Variants in RBFOX1 observed in about 807,000 individuals in gnomAD.
The protein encoded by RBFOX1 is RNA binding protein fox-1 homolog 1.
A neutral mutation model predicts 57.7 loss-of-function variants in RBFOX1; 8 were observed. The observed-to-expected ratio is 0.14, with a 90% CI of 0.08 to 0.25. RBFOX1 has a LOEUF of 0.25. Among genes scored for constraint, RBFOX1 ranks in the 10% least tolerant of loss-of-function variants. The pLI, the probability that RBFOX1 is intolerant of heterozygous loss-of-function variation, is 1.00. For synonymous variants in RBFOX1, 326 were observed against 222.4 expected, an observed-to-expected ratio of 1.47 and a Z score of -4.15; for missense variants, 611 against 548.5, an observed-to-expected ratio of 1.11 and a Z score of -1.14.
At chr16:5,253,136 C>T (rs2151082472) in intron 1 of RBFOX1, among the ~76,000 whole-genome samples, 1 of 152,126 alleles carries the variant, frequency 6.6e-6, no homozygotes, top group East Asian at 1.9e-4. Context: ...AATGCTGTGT[C>T]ATTCTTTTTT....
intron 3 of RBFOX1, among the ~76,000 whole-genome samples, chr16:5,758,618 C>G (rs2053480728): frequency 6.6e-6 from 1 of 152,098 alleles, no homozygotes; most frequent in African/African-American, 2.4e-5. Flanking sequence ...TGGAAAGGTA[C>G]AAAATTAAGA....
intron 5 of RBFOX1, among the ~76,000 whole-genome samples, chr16:7,577,552 A>G (rs898524133): frequency 1.3e-5 from 2 of 152,238 alleles, no homozygotes; most frequent in Non-Finnish European, 2.9e-5. Flanking sequence ...CAGCAGTGTC[A>G]TATGACCTTG....
intron 2 of RBFOX1, among the ~76,000 whole-genome samples, chr16:6,479,739 C>A (rs2095341417): frequency 6.6e-6 from 1 of 151,898 alleles, no homozygotes; most frequent in African/African-American, 2.4e-5. Flanking sequence ...TGGCCTCTTA[C>A]AGAAAAAAGT....
At chr16:5,611,707 C>G (rs2047798550) in intron 3 of RBFOX1, among the ~76,000 whole-genome samples, 1 of 144,472 alleles carries the variant, frequency 6.9e-6, no homozygotes, top group African/African-American at 2.7e-5. Context: ...CCCACTCTCC[C>G]ATCCATCCAT....
intron 2 of RBFOX1, among the ~76,000 whole-genome samples, chr16:6,602,729 A>AC (rs1555602976): frequency 1.3e-5 from 2 of 151,574 alleles, no homozygotes; most frequent in Non-Finnish European, 2.9e-5. Context: ...TGGAAGTGCA[A>AC]TTTTTTTTCC....
intron 3 of RBFOX1, among the ~76,000 whole-genome samples, chr16:6,812,410 G>C (rs2088913009): frequency 1.3e-5 from 2 of 152,086 alleles, no homozygotes; most frequent in Admixed American, 1.3e-4. Context: ...TCTGGGTCTT[G>C]TCACCCAGGC....
chr16:5,846,273 A>T (rs1597469552), intron 3 of RBFOX1, among the ~76,000 whole-genome samples: 1 of 152,028 alleles, frequency 6.6e-6, no homozygotes, highest in Non-Finnish European at 1.5e-5. Context: ...AGCATCTTTG[A>T]TGAAAGAAGA....
chr16:6,441,448 C>G (rs1202051260), intron 2 of RBFOX1, among the ~76,000 whole-genome samples: 1 of 151,606 alleles, frequency 6.6e-6, no homozygotes, highest in Non-Finnish European at 1.5e-5. Context: ...CGGAGTTTTG[C>G]TCTTGTTGCC....
chr16:6,896,584 T>G (rs1454956354), intron 3 of RBFOX1, among the ~76,000 whole-genome samples: 1 of 152,194 alleles, frequency 6.6e-6, no homozygotes, highest in Admixed American at 6.5e-5. Flanking sequence ...TCTTTGTCAT[T>G]GCAAATGAGA....
At chr16:6,618,510 C>T (rs1464011006) in intron 2 of RBFOX1, among the ~76,000 whole-genome samples, 1 of 152,114 alleles carries the variant, frequency 6.6e-6, no homozygotes, top group Non-Finnish European at 1.5e-5. Context: ...TACCACTAGG[C>T]GTTTAATGTG....
Position 7,483,979 on chromosome 16 carries a change from C to T in RBFOX1, c.28-34168C>T, listed in dbSNP as rs540026774. On this transcript the variant is annotated intron_variant, in intron 4 of 15. Transcript: ENST00000550418. ...AGTTCCTTGACCTTAAGTTTCCTTA[C>T]GCTTTATTTTCAGTCTATTCTGCCC... Among the ~76,000 whole-genome samples, 6 of 152,178 alleles carry T rather than the reference C, an allele frequency of 3.9e-5. No individual in the cohort carries two copies. The East Asian group carries it at 9.6e-4, about 24-fold the overall frequency.
intron 1 of RBFOX1, among the ~76,000 whole-genome samples, chr16:6,289,772 T>A (rs1220537448): frequency 6.6e-6 from 1 of 152,130 alleles, no homozygotes. Flanking sequence ...AACAAAATAA[T>A]GCAAATGTCT....
chr16:7,018,605 A>G (rs4580178), intron 3 of RBFOX1, among the ~76,000 whole-genome samples: 53,868 of 151,984 alleles, frequency 0.35, 14,319 homozygotes, highest in African/African-American at 0.74. Flanking sequence ...TAATGGGATG[A>G]CTGGGTCAAA....
chr16:6,081,638 T>G (rs1016657531), intron 1 of RBFOX1, among the ~76,000 whole-genome samples: 1 of 152,200 alleles, frequency 6.6e-6, no homozygotes. Context: ...GGTTCCTAGC[T>G]TCATGTGAGG....
intron 1 of RBFOX1, among the ~76,000 whole-genome samples, chr16:6,194,586 G>T (rs2097167914): frequency 6.6e-6 from 1 of 151,934 alleles, no homozygotes; most frequent in Non-Finnish European, 1.5e-5. Flanking sequence ...CTACTATCTT[G>T]GCCTGAAAAT....
intron 4 of RBFOX1, among the ~76,000 whole-genome samples, chr16:7,431,015 A>C (rs1159728995): frequency 6.6e-6 from 1 of 152,208 alleles, no homozygotes; most frequent in Non-Finnish European, 1.5e-5. Context: ...TTTCACAATC[A>C]TCAAACAGGA....
rs371101242 is a variant in RBFOX1 at position 7,139,196 on chromosome 16, GTA to G, written c.27+87100_27+87101del. 6.5e-3 allele frequency among the ~76,000 whole-genome samples: 976 copies of G among 149,582 alleles called. 11 individuals carry two copies. Among genetic ancestry groups the G allele is most frequent in the African/African-American group, 0.023 (909 of 40,242 alleles). On this transcript the variant is annotated intron_variant, in intron 4 of 15. Transcript: ENST00000550418. ...TCTCTCTGTGTGTGTGTGTGTGTGT[GTA>G]TGTGTGTGTGTTTGTGTGTGTGTGT...
At chr16:7,669,448 G>T (rs1302168005) in intron 13 of RBFOX1, among the ~76,000 whole-genome samples, 1 of 152,210 alleles carries the variant, frequency 6.6e-6, no homozygotes, top group African/African-American at 2.4e-5. Context: ...TGTGACAATG[G>T]TAAGAGCAGA....
intron 2 of RBFOX1, among the ~76,000 whole-genome samples, chr16:6,511,278 T>G (rs2096250699): frequency 6.6e-6 from 1 of 152,160 alleles, no homozygotes; most frequent in African/African-American, 2.4e-5. Context: ...TAGGGAGGAA[T>G]AGGCCAGTGT....
Sources: gnomAD v4.1 joint callset for allele counts (sites outside exome capture counted in the v4.1 genomes callset) on GRCh38, gnomAD v4.1.1 for gene constraint, MANE v1.5 for transcripts, NCBI Gene and HGNC (gene_info 2026-07-23, HGNC 2026-07-21) for gene names.